The following FHAD1 variants were observed in gnomAD, a reference collection of about 807,000 sequenced individuals.
FHAD1 encodes the protein forkhead-associated domain-containing protein 1.
Under a neutral mutation model 191.3 loss-of-function variants are expected in FHAD1, and 146 were observed. That is an observed-to-expected ratio of 0.76 (90% CI 0.67 to 0.88). The LOEUF is 0.88. Ranked by LOEUF, FHAD1 falls within the 40% of genes least tolerant of loss-of-function variation. FHAD1 has a pLI of 0.00. For missense variants in FHAD1, 1,635 were observed against 1,785.8 expected (o/e 0.92, Z 1.52); for synonymous variants, 616 against 672.3 (o/e 0.92, Z 1.29).
chr1:15,360,573 C>T lies in FHAD1; in HGVS notation c.2832C>T (p.Ile944=). Residue 944 remains isoleucine (I), a synonymous_variant, in exon 22 of 34, where the codon ATC becomes ATT. Coordinates refer to ENST00000688493, the MANE Select transcript of FHAD1 (RefSeq NM_001391957.1). ...ESQRHGFEEE[I]MEYKEQIKQH... is the part of the protein sequence containing the mutation. Reference sequence around the variant, plus strand: ...AGAGACACGGGTTTGAAGAAGAGATCATGGAATATAAGGAGCAAATCAAAC... The same window carrying T: ...AGAGACACGGGTTTGAAGAAGAGATTATGGAATATAAGGAGCAAATCAAAC... 1 of 1,552,084 alleles carries T rather than the reference C, an allele frequency of 6.4e-7. No homozygotes were observed. Among genetic ancestry groups the T allele is most frequent in the Non-Finnish European group, 8.7e-7 (1 of 1,147,068 alleles).
chr1:15,265,986 A>G (rs1371096842), intron 2 of FHAD1, among the ~76,000 whole-genome samples: 1 of 151,598 alleles, frequency 6.6e-6, no homozygotes, highest in South Asian at 2.1e-4. Flanking sequence ...AAAAAAAAAA[A>G]AAAGAGAGAG....
At chr1:15,326,713 G>C in intron 11 of FHAD1, 1 of 195,234 alleles carries the variant, frequency 5.1e-6, no homozygotes, top group South Asian at 1.6e-4. Flanking sequence ...TTCACAGTCT[G>C]GTGCCAACTT....
intron 4 of FHAD1, among the ~76,000 whole-genome samples, chr1:15,292,203 A>G (rs2100647403): frequency 6.6e-6 from 1 of 152,180 alleles, no homozygotes; most frequent in Non-Finnish European, 1.5e-5. Flanking sequence ...GCTGGAGTGC[A>G]GTGGCATGAT....
chr1:15,294,051 C>T (rs1666044702), intron 4 of FHAD1, among the ~76,000 whole-genome samples: 1 of 152,148 alleles, frequency 6.6e-6, no homozygotes, highest in Non-Finnish European at 1.5e-5. Context: ...CCGTGTTTCC[C>T]TGATGCGGAG....
intron 4 of FHAD1, among the ~76,000 whole-genome samples, chr1:15,293,257 C>T (rs1479454896): frequency 1.3e-5 from 2 of 152,190 alleles, no homozygotes; most frequent in African/African-American, 4.8e-5. Context: ...AGTTCCCAAC[C>T]CTTGCCCCCA....
upstream of FHAD1, among the ~76,000 whole-genome samples, chr1:15,244,470 C>T (rs1456552043): frequency 6.6e-6 from 1 of 152,080 alleles, no homozygotes; most frequent in Non-Finnish European, 1.5e-5. This position sits in a 1 kb window ranked among gnomAD's most constrained non-coding sequence, Gnocchi z 5.1. Context: ...GTCCTGGGTT[C>T]ATGTTAATGA....
chr1:15,247,017 C>T (rs1383033405), upstream of FHAD1, among the ~76,000 whole-genome samples: 1 of 152,084 alleles, frequency 6.6e-6, no homozygotes, highest in Non-Finnish European at 1.5e-5. Flanking sequence ...AATCTCCTCC[C>T]TGCTCCTTCC....
chr1:15,282,057 C>G (rs72864810), intron 3 of FHAD1, among the ~76,000 whole-genome samples: 1 of 152,080 alleles, frequency 6.6e-6, no homozygotes, highest in South Asian at 2.1e-4. Context: ...TAACAGGGCC[C>G]GCACCTTCTG....
intron 20 of FHAD1, among the ~76,000 whole-genome samples, chr1:15,357,539 C>T (rs778602901): frequency 9.3e-5 from 14 of 149,934 alleles, no homozygotes; most frequent in Non-Finnish European, 1.9e-4. Context: ...AGGTGAATCG[C>T]TTGAACCTGG....
upstream of FHAD1, among the ~76,000 whole-genome samples, chr1:15,244,593 C>T (rs1645780616): frequency 1.3e-5 from 2 of 152,102 alleles, no homozygotes; most frequent in Admixed American, 1.3e-4. This position sits in a 1 kb window ranked among gnomAD's most constrained non-coding sequence, Gnocchi z 5.1. Context: ...ACAGGTCAGC[C>T]CAGCAGTCCT....
intron 1 of FHAD1, among the ~76,000 whole-genome samples, chr1:15,250,839 A>G (rs949659803): frequency 1.3e-5 from 2 of 152,090 alleles, no homozygotes; most frequent in Non-Finnish European, 2.9e-5. Flanking sequence ...CTCATCTCTA[A>G]ATATGAATGA....
chr1:15,355,878 CAA>C (rs34637530), intron 20 of FHAD1, among the ~76,000 whole-genome samples: 1 of 134,828 alleles, frequency 7.4e-6, no homozygotes, highest in Admixed American at 7.4e-5. Context: ...TTAATTTATT[CAA>C]AAAAAAGTGT....
intron 26 of FHAD1, among the ~76,000 whole-genome samples, chr1:15,370,128 C>A (rs1379651634): frequency 1.3e-5 from 2 of 152,126 alleles, no homozygotes; most frequent in Non-Finnish European, 2.9e-5. Context: ...AGACGCACAC[C>A]ACCACACCTG....
chr1:15,368,259 C>G (rs1697093980), intron 25 of FHAD1, among the ~76,000 whole-genome samples: 3 of 152,170 alleles, frequency 2.0e-5, no homozygotes, highest in Admixed American at 2.0e-4. Context: ...CAGGCATGAG[C>G]CACCGCGCCC....
In FHAD1 at chr1:15,358,140, G is replaced by GT; in HGVS notation, c.2597dup (p.Leu866PhefsTer3). The GT allele has an allele frequency of 6.6e-7, 1 of 1,514,200 alleles. No individual in the cohort carries two copies. Among genetic ancestry groups the GT allele is most frequent in the Non-Finnish European group, 8.8e-7 (1 of 1,138,008 alleles). The allele number at this position is 1,514,200 out of a possible 1,614,324, so 93.8% of individuals were successfully genotyped here. A position where few individuals can be genotyped will look rare whatever the true frequency, so the allele number is the denominator to read the frequency against. On this transcript the variant is annotated frameshift_variant, in exon 21 of 34. Transcript: ENST00000688493. LOFTEE classifies it high-confidence loss of function. ...AGAATTAAAAGAGCAAAAAGAGGAC[G>GT]TTTTAAATAATAAATTAAGTGACGC... is the stretch of plus-strand genomic sequence containing the variant.
At position 15,299,199 on chromosome 1, in the gene FHAD1, CAAAAAAAAAA is replaced by C. The variant is rs35299485; in HGVS notation, c.679-1997_679-1988del. Reference sequence around the variant, plus strand: ...TGGGTGACAGAGCAAGACCCTGTCTCAAAAAAAAAAAAAAAAAAGGAAAAAAAAAAAAAGA... The same window carrying C: ...TGGGTGACAGAGCAAGACCCTGTCTCAAAAAAAAGGAAAAAAAAAAAAAGA... On this transcript the variant is annotated intron_variant, in intron 5 of 33. Coordinates refer to ENST00000688493, the MANE Select transcript of FHAD1 (RefSeq NM_001391957.1). Among the ~76,000 whole-genome samples, 129 of 46,394 alleles carry C rather than the reference CAAAAAAAAAA, an allele frequency of 2.8e-3. 1 individual carries two copies. The highest frequency in any genetic ancestry group is 0.01 in the African/African-American group (124 of 12,186). 30.4% of individuals were successfully genotyped at this position (46,394 alleles called of 152,430 possible).
chr1:15,281,918 A>G (rs760165630), intron 3 of FHAD1, among the ~76,000 whole-genome samples: 7 of 152,234 alleles, frequency 4.6e-5, no homozygotes, highest in South Asian at 4.2e-4. Context: ...TCATGTATCT[A>G]TATCAGTACG....
chr1:15,395,825 A>G (rs770800086), intron 33 of FHAD1, among the ~76,000 whole-genome samples: 7 of 152,084 alleles, frequency 4.6e-5, no homozygotes, highest in Non-Finnish European at 8.8e-5. Flanking sequence ...AGCTACCATT[A>G]GTGTTAATGT....
chr1:15,319,941 T>C (rs1675717049), intron 10 of FHAD1, among the ~76,000 whole-genome samples: 2 of 152,232 alleles, frequency 1.3e-5, no homozygotes, highest in South Asian at 4.1e-4. Flanking sequence ...GGTATATTTT[T>C]CTTTTAAATA....
Sources: gnomAD v4.1 joint callset for allele counts (sites outside exome capture counted in the v4.1 genomes callset) on GRCh38, gnomAD v4.1.1 for gene constraint, Gnocchi (gnomAD v3.1) non-coding constraint, MANE v1.5 for transcripts, NCBI Gene and HGNC (gene_info 2026-07-23, HGNC 2026-07-21) for gene names.